NUAK1: variants seen among roughly 807,000 people sequenced by gnomAD.
The protein encoded by NUAK1 is NUAK family SNF1-like kinase 1.
A neutral mutation model predicts 56.9 loss-of-function variants in NUAK1; 26 were observed. The ratio of observed to expected loss-of-function variants is 0.46; its 90% CI spans 0.33 to 0.63. The LOEUF (loss-of-function observed/expected upper bound fraction) is 0.63, where lower values mean the gene tolerates loss of function less well. Among genes scored for constraint, NUAK1 ranks in the 30% least tolerant of loss-of-function variants. The probability of loss-of-function intolerance (pLI) is 0.02; values close to 1 mark genes in which losing one functional copy is unlikely to be tolerated. For missense variants in NUAK1, 727 were observed against 876.1 expected (o/e 0.83, Z 2.15); for synonymous variants, 337 against 336.0 (o/e 1.00, Z -0.03).
Position 106,073,573 on chromosome 12 carries a change from A to G in NUAK1, c.580-730T>C, listed in dbSNP as rs76818528. Among the ~76,000 whole-genome samples, 887 of 152,226 alleles carry G rather than the reference A, an allele frequency of 5.8e-3. 4 individuals are homozygous for G. Among genetic ancestry groups the G allele is most frequent in the African/African-American group, 0.021 (853 of 41,544 alleles). On this transcript the variant is annotated intron_variant, in intron 4 of 6. Coordinates refer to ENST00000261402, the MANE Select transcript of NUAK1 (RefSeq NM_014840.3). ...AATAATAAGAAAAAGAAATCAATCG[A>G]GATGAGACCTTGGCCAGGCGGATCA...
intron 2 of NUAK1, among the ~76,000 whole-genome samples, chr12:106,089,927 C>T (rs1330527286): frequency 6.6e-6 from 1 of 152,148 alleles, no homozygotes; most frequent in Non-Finnish European, 1.5e-5. Flanking sequence ...GAAATAGTTC[C>T]AAATGCATAT....
At chr12:106,133,626 T>G (rs1374462951) in intron 1 of NUAK1, among the ~76,000 whole-genome samples, 1 of 152,194 alleles carries the variant, frequency 6.6e-6, no homozygotes. Flanking sequence ...GCTGTGAAAG[T>G]TAAGTGAGGG....
chr12:106,072,850 A>T lies in NUAK1; in HGVS notation c.580-7T>A, dbSNP rs2032420087. ...AAAGCCCAAAGTCAGCAATCTACAA[A>T]GAGAAGCAAGACCCAGGGAGACTTG... is the stretch of plus-strand genomic sequence containing the variant. On this transcript the variant is annotated splice_polypyrimidine_tract_variant and splice_region_variant and intron_variant, in intron 4 of 6. Coordinates refer to ENST00000261402, the MANE Select transcript of NUAK1 (RefSeq NM_014840.3). The T allele has an allele frequency of 6.2e-7, 1 of 1,613,880 alleles. No individual in the cohort carries two copies. The highest frequency in any genetic ancestry group is 1.3e-5 in the African/African-American group (1 of 75,060).
In NUAK1 at chr12:106,066,689, A is replaced by G. The variant is rs2032342130; in HGVS notation, c.*113T>C. The G allele has an allele frequency of 1.3e-5, 12 of 939,574 alleles. No individual in the cohort carries two copies. The highest frequency in any genetic ancestry group is 1.5e-5 in the Non-Finnish European group (9 of 618,460). The allele number at this position is 939,574 out of a possible 1,614,324, so 58.2% of individuals were successfully genotyped here. A position where few individuals can be genotyped will look rare whatever the true frequency, so the allele number is the denominator to read the frequency against. On this transcript the variant is annotated 3_prime_UTR_variant, in exon 7 of 7. Coordinates refer to ENST00000261402, the MANE Select transcript of NUAK1 (RefSeq NM_014840.3). Reference sequence around the variant, plus strand: ...AAACTTGGCCAAGTGAGACAGTGCCAATCCTTTTTCAGTCTGTTGTCACAG... The same window carrying G: ...AAACTTGGCCAAGTGAGACAGTGCCGATCCTTTTTCAGTCTGTTGTCACAG...
At chr12:106,121,330 C>T (rs1421885860) in intron 1 of NUAK1, among the ~76,000 whole-genome samples, 3 of 152,308 alleles carry the variant, frequency 2.0e-5, no homozygotes, top group Middle Eastern at 6.8e-3. Flanking sequence ...AAGGCACACA[C>T]AAGGTGGTTT....
At chr12:106,071,003 A>C in intron 5 of NUAK1, 97 bp from the exon 6 acceptor site, 2 of 1,350,744 alleles carry the variant, frequency 1.5e-6, no homozygotes, top group Non-Finnish European at 2.1e-6. Context: ...AGCCACCCCC[A>C]GCAGCCCCAG....
At chr12:106,114,909 G>A (rs1007070682) in intron 1 of NUAK1, among the ~76,000 whole-genome samples, 1 of 152,220 alleles carries the variant, frequency 6.6e-6, no homozygotes, top group African/African-American at 2.4e-5. Flanking sequence ...GACTTGTGCT[G>A]CAGCTTGGTG....
intron 1 of NUAK1, among the ~76,000 whole-genome samples, chr12:106,126,816 C>T (rs910063951): frequency 6.6e-6 from 1 of 152,198 alleles, no homozygotes; most frequent in African/African-American, 2.4e-5. Context: ...TGCCCAATCA[C>T]TGCTAAAGCC....
At position 106,138,614 on chromosome 12, in the gene NUAK1, C is replaced by T. The variant is rs1259017689; in HGVS notation, c.40G>A (p.Asp14Asn). 2 of 1,520,642 alleles carry T rather than the reference C, an allele frequency of 1.3e-6. No homozygotes were observed. Among genetic ancestry groups the T allele is most frequent in the Admixed American group, 4.1e-5 (2 of 49,290 alleles). 94.2% of individuals were successfully genotyped at this position (1,520,642 alleles called of 1,614,324 possible). A position where few individuals can be genotyped will look rare whatever the true frequency, so the allele number is the denominator to read the frequency against. Residue 14 changes from aspartate to asparagine, a missense_variant, in exon 1 of 7, where the codon GAC becomes AAC. Asp to Asn is a conservative substitution (Grantham distance 23). Coordinates refer to ENST00000261402, the MANE Select transcript of NUAK1 (RefSeq NM_014840.3). This position sits in a 1 kb window ranked among gnomAD's most constrained non-coding sequence, Gnocchi z 5.0. ...GAGCCCGGCGCCCCCAGCCCCAAGT[C>T]GGGGCGGTCCCCCGCCACAGGCGCG... ...AAAPVAGDRP[D>N]LGLGAPGSPR... is the part of the protein sequence containing the mutation.
At chr12:106,079,714 C>T (rs879318629) in intron 4 of NUAK1, among the ~76,000 whole-genome samples, 18 of 152,220 alleles carry the variant, frequency 1.2e-4, no homozygotes, top group Non-Finnish European at 2.4e-4. Flanking sequence ...TTCTTCACTG[C>T]CAGCCAATTA....
At chr12:106,119,276 T>C (rs2032950346) in intron 1 of NUAK1, among the ~76,000 whole-genome samples, 1 of 152,148 alleles carries the variant, frequency 6.6e-6, no homozygotes, top group South Asian at 2.1e-4. Flanking sequence ...CACTTGACCT[T>C]GAGTCAAGAG....
At chr12:106,074,696 C>T (rs955158874) in intron 4 of NUAK1, among the ~76,000 whole-genome samples, 1 of 152,068 alleles carries the variant, frequency 6.6e-6, no homozygotes, top group Admixed American at 6.6e-5. Flanking sequence ...TTCACATGCC[C>T]AGAGAGAGCC....
intron 2 of NUAK1, among the ~76,000 whole-genome samples, chr12:106,089,807 A>G (rs1592852518): frequency 6.6e-6 from 1 of 152,102 alleles, no homozygotes; most frequent in African/African-American, 2.4e-5. Context: ...AATAAAATAT[A>G]TCGCAGATCT....
At position 106,138,797 on chromosome 12, in the gene NUAK1, G is replaced by A. The variant is rs2033156238; in HGVS notation, c.-144C>T. 1.0e-5 allele frequency: 12 copies of A among 1,169,940 alleles called. No individual in the cohort carries two copies. Among genetic ancestry groups the A allele is most frequent in the East Asian group, 3.1e-5 (1 of 32,080 alleles). 72.5% of individuals were successfully genotyped at this position (1,169,940 alleles called of 1,614,324 possible). A position where few individuals can be genotyped will look rare whatever the true frequency, so the allele number is the denominator to read the frequency against. On this transcript the variant is annotated 5_prime_UTR_variant, in exon 1 of 7. Transcript: ENST00000261402. This position sits in a 1 kb window ranked among gnomAD's most constrained non-coding sequence, Gnocchi z 5.0. Reference sequence around the variant, plus strand: ...GGCGGCCCGATACCGCTCGGACTGCGGCTCGGTCACTGGCGGCGGCGGGGA... The same window carrying A: ...GGCGGCCCGATACCGCTCGGACTGCAGCTCGGTCACTGGCGGCGGCGGGGA...
chr12:106,138,581 C>G lies in NUAK1; in HGVS notation c.73G>C (p.Glu25Gln). 6.3e-7 allele frequency: 1 copy of G among 1,598,492 alleles called. No individual in the cohort carries two copies. The highest frequency in any genetic ancestry group is 1.1e-5 in the South Asian group (1 of 89,780). Residue 25 changes from glutamate to glutamine, a missense_variant, in exon 1 of 7, where the codon GAG (glutamate) becomes CAG (glutamine). By Grantham distance (29) the Glu-to-Gln change is conservative. Coordinates refer to ENST00000261402, the MANE Select transcript of NUAK1 (RefSeq NM_014840.3). This position sits in a 1 kb window ranked among gnomAD's most constrained non-coding sequence, Gnocchi z 5.0. ...GCTGCAGTCGCCCCCGCCACCGCCTCTCGGGGAGAGCCCGGCGCCCCCAGC... is the reference window on the plus strand; with the variant it reads ...GCTGCAGTCGCCCCCGCCACCGCCTGTCGGGGAGAGCCCGGCGCCCCCAGC... ...LGLGAPGSPREAVAGATAALE... is the reference protein window; with the variant it reads ...LGLGAPGSPRQAVAGATAALE...
intron 3 of NUAK1, among the ~76,000 whole-genome samples, chr12:106,085,173 G>C (rs2032558591): frequency 6.6e-6 from 1 of 152,114 alleles, no homozygotes; most frequent in Non-Finnish European, 1.5e-5. Context: ...CTGCATTCCT[G>C]GTTTTTGTAA....
intron 1 of NUAK1, among the ~76,000 whole-genome samples, chr12:106,116,647 C>T (rs555638921): frequency 5.3e-5 from 8 of 152,334 alleles, no homozygotes; most frequent in Non-Finnish European, 1.0e-4. Flanking sequence ...ATACTCTTAA[C>T]CTCTGAAGCA....
chr12:106,114,354 A>T (rs1219062767), intron 1 of NUAK1, among the ~76,000 whole-genome samples: 1 of 152,170 alleles, frequency 6.6e-6, no homozygotes, highest in Non-Finnish European at 1.5e-5. Context: ...CGACTCCTAT[A>T]AGGAGAGGGA....
chr12:106,108,470 C>T (rs533884728), intron 1 of NUAK1, among the ~76,000 whole-genome samples: 2 of 151,872 alleles, frequency 1.3e-5, no homozygotes, highest in African/African-American at 2.4e-5. Context: ...CTCACCACAG[C>T]CCCATTCAGT....
Sources: gnomAD v4.1 joint callset for allele counts (sites outside exome capture counted in the v4.1 genomes callset) on GRCh38, gnomAD v4.1.1 for gene constraint, Gnocchi (gnomAD v3.1) non-coding constraint, MANE v1.5 for transcripts, NCBI Gene and HGNC (gene_info 2026-07-23, HGNC 2026-07-21) for gene names.